Variants in SLC16A12 observed in about 807,000 individuals in gnomAD.
The protein encoded by SLC16A12 is solute carrier family 16 member 12.
In SLC16A12, 17 loss-of-function variants were observed where a neutral mutation model predicts 42.4. The observed-to-expected ratio is 0.40, with a 90% CI of 0.27 to 0.60. The LOEUF is 0.60. Among genes scored for constraint, SLC16A12 ranks in the 20% least tolerant of loss-of-function variants. SLC16A12 has a pLI of 0.42. For synonymous variants in SLC16A12, 224 were observed against 229.4 expected (o/e 0.98, Z 0.21); for missense variants, 544 against 623.0 (o/e 0.87, Z 1.35).
intron 2 of SLC16A12, among the ~76,000 whole-genome samples, chr10:89,482,547 G>A (rs1842682190): frequency 6.6e-6 from 1 of 152,186 alleles, no homozygotes; most frequent in African/African-American, 2.4e-5. Flanking sequence ...TGGGGAGGCT[G>A]AGGTGGGCAA....
At chr10:89,521,404 C>T (rs1422674150) in intron 2 of SLC16A12, among the ~76,000 whole-genome samples, 1 of 152,220 alleles carries the variant, frequency 6.6e-6, no homozygotes, top group Non-Finnish European at 1.5e-5. Context: ...GCTTTCTAAG[C>T]TTACATCAGA....
At chr10:89,524,453 T>G (rs551159574) in intron 2 of SLC16A12, among the ~76,000 whole-genome samples, 1 of 152,352 alleles carries the variant, frequency 6.6e-6, no homozygotes, top group East Asian at 1.9e-4. Context: ...CATCCGAAGA[T>G]GAGCAGTGCT....
intron 2 of SLC16A12, among the ~76,000 whole-genome samples, chr10:89,515,041 G>A (rs1018346466): frequency 2.0e-5 from 3 of 151,954 alleles, no homozygotes; most frequent in South Asian, 2.1e-4. Context: ...ACAGTGAGCC[G>A]AGATTTCACC....
chr10:89,491,201 T>C (rs1263969550), intron 2 of SLC16A12, among the ~76,000 whole-genome samples: 1 of 152,108 alleles, frequency 6.6e-6, no homozygotes, highest in Admixed American at 6.6e-5. Flanking sequence ...CCTGGAGCCA[T>C]TATAATCCTG....
chr10:89,443,399 A>G (rs1327370704), intron 4 of SLC16A12, among the ~76,000 whole-genome samples: 2 of 152,352 alleles, frequency 1.3e-5, no homozygotes, highest in African/African-American at 4.8e-5. Context: ...TGAGAAGGCC[A>G]TAGCATTTGG....
chr10:89,521,634 G>T (rs575545010), intron 2 of SLC16A12, among the ~76,000 whole-genome samples: 27 of 152,252 alleles, frequency 1.8e-4, no homozygotes, highest in African/African-American at 6.0e-4. Context: ...GAAGCCTGAT[G>T]ATCTTCAGCT....
intron 2 of SLC16A12, among the ~76,000 whole-genome samples, chr10:89,477,709 T>C (rs911116338): frequency 2.6e-5 from 4 of 152,256 alleles, no homozygotes; most frequent in Admixed American, 1.3e-4. Flanking sequence ...TTCAAATAAA[T>C]TTTCTTATGA....
intron 2 of SLC16A12, among the ~76,000 whole-genome samples, chr10:89,497,152 C>A (rs1343518163): frequency 6.6e-6 from 1 of 152,042 alleles, no homozygotes; most frequent in Non-Finnish European, 1.5e-5. Context: ...ACAGGAAAAA[C>A]CAGAGAGTGG....
intron 2 of SLC16A12, among the ~76,000 whole-genome samples, chr10:89,499,681 G>A (rs1213014544): frequency 6.6e-6 from 1 of 152,114 alleles, no homozygotes; most frequent in Non-Finnish European, 1.5e-5. Context: ...AGCCCTAAAT[G>A]CCTACATCAA....
intron 2 of SLC16A12, among the ~76,000 whole-genome samples, chr10:89,525,407 T>C (rs1843433788): frequency 6.6e-6 from 1 of 152,186 alleles, no homozygotes; most frequent in South Asian, 2.1e-4. Context: ...AGTTAGATCT[T>C]CATCTGTAAT....
At chr10:89,550,476 G>A (rs530187464) in intron 2 of SLC16A12, among the ~76,000 whole-genome samples, 4 of 152,246 alleles carry the variant, frequency 2.6e-5, no homozygotes, top group South Asian at 2.1e-4. Context: ...CTGAGATCGC[G>A]CCACTGCACT....
intron 2 of SLC16A12, among the ~76,000 whole-genome samples, chr10:89,497,987 C>A (rs1842945606): frequency 6.6e-6 from 1 of 152,162 alleles, no homozygotes; most frequent in Middle Eastern, 3.4e-3. Context: ...TAACAAGAAA[C>A]AATTCTTATC....
chr10:89,499,305 G>C (rs959520712), intron 2 of SLC16A12, among the ~76,000 whole-genome samples: 1 of 152,088 alleles, frequency 6.6e-6, no homozygotes, highest in Non-Finnish European at 1.5e-5. Context: ...CTGTAATCCT[G>C]GCCCTTTGGC....
chr10:89,497,740 G>GGA (rs1554830563), intron 2 of SLC16A12, among the ~76,000 whole-genome samples: 2 of 150,382 alleles, frequency 1.3e-5, no homozygotes, highest in African/African-American at 4.9e-5. Flanking sequence ...TCAGAAAGAG[G>GGA]AAAAAAAAAC....
upstream of SLC16A12, among the ~76,000 whole-genome samples, chr10:89,537,144 TG>T (rs1243375640): frequency 4.4e-5 from 5 of 113,570 alleles, no homozygotes; most frequent in East Asian, 3.9e-4. Context: ...ACCGTAGGTA[TG>T]TTTTTTTTTT....
At chr10:89,525,207 C>A in intron 2 of SLC16A12, among the ~76,000 whole-genome samples, 1 of 112,784 alleles carries the variant, frequency 8.9e-6, no homozygotes, top group Non-Finnish European at 1.6e-5. Flanking sequence ...GACGACAGAA[C>A]GAGACACCAT....
upstream of SLC16A12, among the ~76,000 whole-genome samples, chr10:89,539,909 CTTT>C (rs1554834036): frequency 2.6e-4 from 35 of 137,080 alleles, no homozygotes; most frequent in East Asian, 6.4e-4. Flanking sequence ...TTCTTTCTTT[CTTT>C]TTTCTTTTTT....
intron 6 of SLC16A12, among the ~76,000 whole-genome samples, chr10:89,436,866 GAAAA>G (rs201137521): frequency 3.9e-5 from 3 of 76,210 alleles, no homozygotes; most frequent in Admixed American, 1.3e-4. Flanking sequence ...AAGAAATAAA[GAAAA>G]AGAAAGAAAG....
At chr10:89,543,185 A>G (rs1273895325) in intron 2 of SLC16A12, among the ~76,000 whole-genome samples, 1 of 152,260 alleles carries the variant, frequency 6.6e-6, no homozygotes, top group Non-Finnish European at 1.5e-5. Context: ...GTAAATTTTA[A>G]ATCTAGAATC....
Sources: allele counts gnomAD v4.1 joint callset (sites outside exome capture counted in the v4.1 genomes callset), GRCh38; gene constraint gnomAD v4.1.1; transcripts MANE v1.5; gene names NCBI Gene and HGNC (gene_info 2026-07-23, HGNC 2026-07-21).